DROSHA: variants seen among roughly 807,000 people sequenced by gnomAD.
DROSHA encodes the protein drosha ribonuclease III.
DROSHA carries 56 observed loss-of-function variants against 181.9 expected under a neutral mutation model. That is an observed-to-expected ratio of 0.31 (90% CI 0.25 to 0.38). The LOEUF (loss-of-function observed/expected upper bound fraction) is 0.38, where lower values mean the gene tolerates loss of function less well. Ranked by LOEUF, DROSHA falls within the 10% of genes least tolerant of loss-of-function variation. The pLI is 1.00. For synonymous variants in DROSHA, 524 were observed against 591.2 expected, an observed-to-expected ratio of 0.89 and a Z score of 1.65; for missense variants, 1,218 against 1,743.5, an observed-to-expected ratio of 0.70 and a Z score of 5.37.
chr5:31,436,996 A>G (rs1051155727), intron 24 of DROSHA, among the ~76,000 whole-genome samples: 14 of 152,180 alleles, frequency 9.2e-5, no homozygotes, highest in African/African-American at 3.4e-4. Context: ...CAACTTTAAC[A>G]TATACTTGAC....
intron 30 of DROSHA, among the ~76,000 whole-genome samples, chr5:31,420,044 G>A (rs1446307744): frequency 1.3e-5 from 2 of 152,188 alleles, no homozygotes; most frequent in Non-Finnish European, 2.9e-5. Context: ...CTCATCGAGT[G>A]AGTGAATGCT....
At position 31,411,463 on chromosome 5, in the gene DROSHA, A is replaced by G. The variant is rs1741296127; in HGVS notation, c.3526-576T>C. Among the ~76,000 whole-genome samples the G allele has an allele frequency of 6.6e-6, 1 of 152,110 alleles. No homozygotes were observed. Among genetic ancestry groups the G allele is most frequent in the Non-Finnish European group, 1.5e-5 (1 of 68,024 alleles). On this transcript the variant is annotated intron_variant, in intron 30 of 35. Coordinates refer to ENST00000344624, the MANE Select transcript of DROSHA (RefSeq NM_001382508.1). The surrounding 1 kb of genome is among the most constrained non-coding windows in gnomAD (Gnocchi z 4.2). ...TTAAAGGATTTTTTTTTAAGTCTAA[A>G]ATAAGCTTCAAGTTTCACGGCACTG... is the stretch of plus-strand genomic sequence containing the variant.
chr5:31,483,146 A>C (rs1220295403), intron 16 of DROSHA, among the ~76,000 whole-genome samples: 2 of 152,200 alleles, frequency 1.3e-5, no homozygotes, highest in Admixed American at 1.3e-4. Flanking sequence ...AAAAGATAAG[A>C]AAAAATCACT....
chr5:31,484,284 G>A (rs1751430656), intron 15 of DROSHA, among the ~76,000 whole-genome samples: 1 of 146,848 alleles, frequency 6.8e-6, no homozygotes, highest in Non-Finnish European at 1.5e-5. Flanking sequence ...TGAGGCAGGA[G>A]AATGGCGTGA....
chr5:31,521,232 C>T lies in DROSHA; in HGVS notation c.855-17G>A, dbSNP rs745386061. The stretch of plus-strand genomic sequence containing the variant: ...TCTCGCTCTCTTAAAGGAATTAATA[C>T]ACAGAGCTGTTTTCAACAGAAAGAC... On this transcript the variant is annotated splice_polypyrimidine_tract_variant and intron_variant, in intron 5 of 35. Coordinates refer to ENST00000344624, the MANE Select transcript of DROSHA (RefSeq NM_001382508.1). The T allele has an allele frequency of 1.9e-6, 3 of 1,612,702 alleles. No individual in the cohort carries two copies. The highest frequency in any genetic ancestry group is 2.2e-5 in the East Asian group (1 of 44,850).
chr5:31,466,569 A>T (rs1256687175), intron 18 of DROSHA: 7 of 250,564 alleles, frequency 2.8e-5, no homozygotes, highest in Non-Finnish European at 3.9e-5. Flanking sequence ...AGACACAAAA[A>T]CACCTCAACC....
intron 5 of DROSHA, among the ~76,000 whole-genome samples, chr5:31,522,194 T>C (rs1248448207): frequency 6.6e-6 from 1 of 152,216 alleles, no homozygotes; most frequent in Non-Finnish European, 1.5e-5. Flanking sequence ...TTGAATAATG[T>C]TTCTGATATA....
intron 8 of DROSHA, among the ~76,000 whole-genome samples, chr5:31,513,217 C>T (rs866892374): frequency 6.6e-6 from 1 of 152,154 alleles, no homozygotes; most frequent in African/African-American, 2.4e-5. Flanking sequence ...TGTGAGGATG[C>T]GGGTGTGTAA....
chr5:31,515,981 C>T (rs1354093016), intron 6 of DROSHA, among the ~76,000 whole-genome samples: 3 of 152,180 alleles, frequency 2.0e-5, no homozygotes, highest in Admixed American at 6.5e-5. Context: ...GTCAGCTGGG[C>T]GTGGTGGCTC....
intron 31 of DROSHA, among the ~76,000 whole-genome samples, chr5:31,410,206 T>C (rs2149987732): frequency 6.6e-6 from 1 of 152,332 alleles, no homozygotes; most frequent in African/African-American, 2.4e-5. Flanking sequence ...GGCCCACTTA[T>C]TTTGAAGTAA....
intron 23 of DROSHA, among the ~76,000 whole-genome samples, chr5:31,445,086 A>C (rs781460670): frequency 6.6e-6 from 1 of 152,216 alleles, no homozygotes; most frequent in Non-Finnish European, 1.5e-5. Context: ...ACCTTTAATC[A>C]ATCTCAGTCT....
At chr5:31,503,252 T>C (rs6864048) in intron 11 of DROSHA, among the ~76,000 whole-genome samples, 4,042 of 152,186 alleles carry the variant, frequency 0.027, 174 homozygotes, top group African/African-American at 0.093. Context: ...ACAGCATGGA[T>C]CCCGCTTATC....
chr5:31,526,406 T>G lies in DROSHA; in HGVS notation c.527A>C (p.Asn176Thr). The G allele has an allele frequency of 1.2e-6, 2 of 1,612,808 alleles. No individual in the cohort carries two copies. Among genetic ancestry groups the G allele is most frequent in the South Asian group, 1.1e-5 (1 of 90,984 alleles). Residue 176 changes from asparagine to threonine, a missense_variant, in exon 5 of 36, where the codon AAC becomes ACC. Asn to Thr is a moderately conservative substitution (Grantham distance 65, BLOSUM62 0). Transcript: ENST00000344624. ...ACTATTAAAACTGGGAGGTGGGAAG[T>G]TGTGGTGAGAATAGCCCGGAGGGTA... ...YQYPPGYSHHNFPPPSFNSFQ... is the reference protein window; with the variant it reads ...YQYPPGYSHHTFPPPSFNSFQ...
Position 31,422,814 on chromosome 5 carries a change from C to A in DROSHA, c.3392G>T (p.Arg1131Ile). 6.2e-7 allele frequency: 1 copy of A among 1,613,760 alleles called. No homozygotes were observed. Among genetic ancestry groups the A allele is most frequent in the Non-Finnish European group, 8.5e-7 (1 of 1,179,764 alleles). Residue 1131 changes from arginine to isoleucine, a missense_variant, in exon 29 of 36, where the codon AGA becomes ATA. By Grantham distance (97) the Arg-to-Ile change is moderately conservative. This residue lies in a region of DROSHA where 23 missense variants were observed against 90.6 expected (regional missense o/e 0.25). Coordinates refer to ENST00000344624, the MANE Select transcript of DROSHA (RefSeq NM_001382508.1). ...GGTCAGATGGTTAAATCCCACAGTT[C>A]TCAATGTGAATGCCCTTGCCAGAAG... ...VRLLARAFTL[R>I]TVGFNHLTLG...
intron 30 of DROSHA, among the ~76,000 whole-genome samples, chr5:31,414,233 T>C (rs1741692407): frequency 2.0e-5 from 3 of 152,032 alleles, no homozygotes; most frequent in Admixed American, 2.0e-4. Flanking sequence ...TTTAGAAAGA[T>C]TGTTTTGGCG....
At chr5:31,530,197 T>C (rs980008942) in intron 3 of DROSHA, among the ~76,000 whole-genome samples, 2 of 152,122 alleles carry the variant, frequency 1.3e-5, no homozygotes, top group African/African-American at 4.8e-5. Flanking sequence ...CATAGCTCAC[T>C]GCTGTCTCTT....
At chr5:31,428,927 G>C (rs963173990) in intron 27 of DROSHA, among the ~76,000 whole-genome samples, 3 of 152,144 alleles carry the variant, frequency 2.0e-5, no homozygotes, top group Non-Finnish European at 2.9e-5. Context: ...AGTAACAACA[G>C]AAACTATTTT....
chr5:31,507,666 C>T (rs756754615), intron 10 of DROSHA, among the ~76,000 whole-genome samples: 4 of 152,042 alleles, frequency 2.6e-5, no homozygotes, highest in Admixed American at 6.6e-5. Context: ...GTTTATTTTA[C>T]GGGGGACAAA....
rs1739923024 is a variant in DROSHA, at chr5:31,400,746, T to TTCTTAAAGGTTCCACTAACCCCAGG, written c.*661_*685dup. 6.6e-6 allele frequency: 1 copy of TTCTTAAAGGTTCCACTAACCCCAGG among 152,484 alleles called. No homozygotes were observed. Among genetic ancestry groups the TTCTTAAAGGTTCCACTAACCCCAGG allele is most frequent in the South Asian group, 2.1e-4 (1 of 4,830 alleles). The allele number at this position is 152,484 out of a possible 1,614,324, so 9.4% of individuals were successfully genotyped here. ...ACTTCCTTGAAGTCTGTTCATTAAC[T>TTCTTAAAGGTTCCACTAACCCCAGG]TCTTAAAGGTTCCACTAACCCCAGG... On this transcript the variant is annotated 3_prime_UTR_variant, in exon 36 of 36. Transcript: ENST00000344624.
Sources: allele counts gnomAD v4.1 joint callset (sites outside exome capture counted in the v4.1 genomes callset), GRCh38; gene constraint gnomAD v4.1.1; regional missense constraint gnomAD v4.1.1; non-coding constraint Gnocchi (gnomAD v3.1); transcripts MANE v1.5; gene names NCBI Gene and HGNC (gene_info 2026-07-23, HGNC 2026-07-21).